The following NWD2 variants were observed in gnomAD, a reference collection of about 807,000 sequenced individuals.
NWD2 encodes the protein NACHT and WD repeat domain-containing protein 2.
In NWD2, 37 loss-of-function variants were observed where a neutral mutation model predicts 132.7. That is an observed-to-expected ratio of 0.28 (90% CI 0.21 to 0.37). The LOEUF is 0.37. Among genes scored for constraint, NWD2 ranks in the 10% least tolerant of loss-of-function variants. The pLI, the probability that NWD2 is intolerant of heterozygous loss-of-function variation, is 1.00. For synonymous variants in NWD2, 705 were observed against 803.0 expected (o/e 0.88, Z 2.06); for missense variants, 1,592 against 2,122.4 (o/e 0.75, Z 4.91).
At position 37,245,033 on chromosome 4, in the gene NWD2, G is replaced by A; in HGVS notation, c.-35G>A. The A allele has an allele frequency of 1.3e-6, 2 of 1,539,974 alleles. No individual in the cohort carries two copies. Among genetic ancestry groups the A allele is most frequent in the Non-Finnish European group, 1.7e-6 (2 of 1,145,478 alleles). On this transcript the variant is annotated 5_prime_UTR_variant, in exon 1 of 7. Transcript: ENST00000309447. ...GCAGGAACCCGAGGAGCAGGAGGTG[G>A]CGGCGGCGGCAGTGGCTGTTCCTCC...
intron 1 of NWD2, among the ~76,000 whole-genome samples, chr4:37,285,648 T>C (rs1718215425): frequency 6.6e-6 from 1 of 152,224 alleles, no homozygotes; most frequent in African/African-American, 2.4e-5. Context: ...ACTTTTTGGT[T>C]TCATTTGAGC....
At chr4:37,333,001 C>G (rs1021179405) in intron 2 of NWD2, among the ~76,000 whole-genome samples, 2 of 152,098 alleles carry the variant, frequency 1.3e-5, no homozygotes, top group Non-Finnish European at 2.9e-5. Context: ...AAAGATTCCT[C>G]TGCTCGTGAA....
chr4:37,268,766 G>C (rs1391453665), intron 1 of NWD2, among the ~76,000 whole-genome samples: 1 of 151,696 alleles, frequency 6.6e-6, no homozygotes, highest in Non-Finnish European at 1.5e-5. Flanking sequence ...TCTGGCAGCT[G>C]TATATATAAT....
chr4:37,277,731 A>G (rs1225638542), intron 1 of NWD2, among the ~76,000 whole-genome samples: 1 of 152,078 alleles, frequency 6.6e-6, no homozygotes, highest in African/African-American at 2.4e-5. Flanking sequence ...TCTACTGACT[A>G]CTTTTTTCCT....
intron 1 of NWD2, among the ~76,000 whole-genome samples, chr4:37,314,349 T>G (rs1718915293): frequency 6.6e-6 from 1 of 152,214 alleles, no homozygotes; most frequent in Admixed American, 6.5e-5. Flanking sequence ...CTGAAAGATT[T>G]GCAAAGGATT....
intron 1 of NWD2, among the ~76,000 whole-genome samples, chr4:37,246,447 TG>T (rs977993676): frequency 2.6e-5 from 4 of 152,182 alleles, no homozygotes; most frequent in Non-Finnish European, 5.9e-5. Flanking sequence ...GATATACTCT[TG>T]GGGGACGGCA....
At chr4:37,268,676 C>T (rs1423645956) in intron 1 of NWD2, among the ~76,000 whole-genome samples, 1 of 151,572 alleles carries the variant, frequency 6.6e-6, no homozygotes, top group Admixed American at 6.6e-5. Flanking sequence ...TTGCTAAGAG[C>T]CTTGAAAAAG....
chr4:37,349,712 G>A (rs1380382965), intron 2 of NWD2, among the ~76,000 whole-genome samples: 1 of 152,088 alleles, frequency 6.6e-6, no homozygotes, highest in East Asian at 1.9e-4. Context: ...TGTCAATTTT[G>A]GCTTTTGTTG....
intron 1 of NWD2, among the ~76,000 whole-genome samples, chr4:37,277,611 ATC>A (rs1487908244): frequency 6.6e-6 from 1 of 152,012 alleles, no homozygotes; most frequent in Non-Finnish European, 1.5e-5. Context: ...CCTCTTGATT[ATC>A]TCTATTTATT....
rs1488067273 is a variant in NWD2 at position 37,445,400 on chromosome 4, T to A, written c.3412T>A (p.Ser1138Thr). Reference protein sequence around the residue: ...GSGEKLCTVTSEFSGGFVKFL... With the variant: ...GSGEKLCTVTTEFSGGFVKFL... ...TGGAGAAAAGTTATGTACAGTGACA[T>A]CAGAATTTTCAGGTGGATTTGTGAA... is the stretch of plus-strand genomic sequence containing the variant. Residue 1138 changes from serine to threonine, a missense_variant, in exon 7 of 7, where the codon TCA (serine) becomes ACA (threonine). Transcript: ENST00000309447. The surrounding 1 kb of genome is among the most constrained non-coding windows in gnomAD (Gnocchi z 4.7). 6.4e-7 allele frequency: 1 copy of A among 1,552,066 alleles called. No individual in the cohort carries two copies. The highest frequency in any genetic ancestry group is 8.7e-7 in the Non-Finnish European group (1 of 1,147,066).
At chr4:37,386,581 T>C (rs1331886119) in intron 3 of NWD2, among the ~76,000 whole-genome samples, 1 of 151,264 alleles carries the variant, frequency 6.6e-6, no homozygotes, top group Non-Finnish European at 1.5e-5. Flanking sequence ...CTGGGCTCCC[T>C]ATATCTGCTT....
intron 1 of NWD2, among the ~76,000 whole-genome samples, chr4:37,295,344 G>A (rs1718452151): frequency 6.6e-6 from 1 of 152,258 alleles, no homozygotes; most frequent in African/African-American, 2.4e-5. Flanking sequence ...CAATAGTTGT[G>A]AATCTATCTC....
intron 1 of NWD2, among the ~76,000 whole-genome samples, chr4:37,255,367 G>T (rs908171059): frequency 1.3e-5 from 2 of 152,134 alleles, no homozygotes; most frequent in African/African-American, 4.8e-5. Context: ...TAGAGGGGTG[G>T]CCAGTGGGGA....
chr4:37,438,918 T>C lies in NWD2; in HGVS notation c.824T>C (p.Met275Thr). The C allele has an allele frequency of 1.3e-6, 2 of 1,552,014 alleles. No homozygotes were observed. Among genetic ancestry groups the C allele is most frequent in the Non-Finnish European group, 1.7e-6 (2 of 1,147,056 alleles). Residue 275 changes from methionine (M) to threonine (T), a missense_variant, in exon 6 of 7, where the codon ATG becomes ACG. Transcript: ENST00000309447. ...GAGCGCTTTGTGAAAATCCCAGAGA[T>C]GGGAAAATACATGGATATAACTGGA... ...NIERFVKIPE[M>T]GKYMDITGTE... is the part of the protein sequence containing the mutation.
chr4:37,244,971 G>T lies in NWD2; in HGVS notation c.-97G>T. The T allele has an allele frequency of 6.7e-7, 1 of 1,489,222 alleles. No individual in the cohort carries two copies. The highest frequency in any genetic ancestry group is 1.3e-5 in the South Asian group (1 of 79,520). 92.3% of individuals were successfully genotyped at this position (1,489,222 alleles called of 1,614,324 possible). The stretch of plus-strand genomic sequence containing the variant: ...GGCTCTGAGCCGCGCCGCCTGCTGA[G>T]ATCGACCGCCTGCTGAGCCGTTCCG... On this transcript the variant is annotated 5_prime_UTR_variant, in exon 1 of 7. Transcript: ENST00000309447. The surrounding 1 kb of genome is among the most constrained non-coding windows in gnomAD (Gnocchi z 5.5).
At chr4:37,300,704 T>A (rs73130319) in intron 1 of NWD2, among the ~76,000 whole-genome samples, 19,255 of 152,052 alleles carry the variant, frequency 0.13, 1,301 homozygotes, top group East Asian at 0.19. Flanking sequence ...AACATTAATA[T>A]CTAGTTGAAT....
chr4:37,288,031 A>G (rs970386842), intron 1 of NWD2, among the ~76,000 whole-genome samples: 8 of 152,178 alleles, frequency 5.3e-5, no homozygotes, highest in African/African-American at 1.9e-4. Flanking sequence ...GAAGCTGGAA[A>G]CCATCATCCT....
At chr4:37,319,516 T>G (rs1719027517) in intron 1 of NWD2, among the ~76,000 whole-genome samples, 2 of 152,204 alleles carry the variant, frequency 1.3e-5, no homozygotes, top group Non-Finnish European at 1.5e-5. Flanking sequence ...TTGTTGCAGT[T>G]GCTTTTGAGG....
At chr4:37,326,111 A>G in intron 2 of NWD2, 87 bp downstream of exon 2, 1 of 878,332 alleles carries the variant, frequency 1.1e-6, no homozygotes, top group South Asian at 1.7e-5. Context: ...GTTGTAAAAG[A>G]CAAGTTTTAG....
Sources: gnomAD v4.1 joint callset for allele counts (sites outside exome capture counted in the v4.1 genomes callset) on GRCh38, gnomAD v4.1.1 for gene constraint, Gnocchi (gnomAD v3.1) non-coding constraint, MANE v1.5 for transcripts, NCBI Gene and HGNC (gene_info 2026-07-23, HGNC 2026-07-21) for gene names.